The following FASN variants were observed in gnomAD, a reference collection of about 807,000 sequenced individuals.
FASN encodes 3-hydroxyacyl-[acyl-carrier-protein] dehydratase.
A neutral mutation model predicts 250.0 loss-of-function variants in FASN; 50 were observed. That is an observed-to-expected ratio of 0.20 (90% CI 0.16 to 0.25). The LOEUF (loss-of-function observed/expected upper bound fraction) is 0.25, where lower values mean the gene tolerates loss of function less well. Ranked by LOEUF, FASN falls within the 10% of genes least tolerant of loss-of-function variation. FASN has a pLI of 1.00. For synonymous variants in FASN, 1,909 were observed against 1,584.0 expected, an observed-to-expected ratio of 1.21 and a Z score of -4.87; for missense variants, 3,031 against 3,498.5, an observed-to-expected ratio of 0.87 and a Z score of 3.37.
At chr17:82,081,062 G>T in intron 38 of FASN, 102 bp downstream of exon 38, 1 of 1,446,876 alleles carries the variant, frequency 6.9e-7, no homozygotes, top group Non-Finnish European at 9.4e-7. Flanking sequence ...AATGGCACCC[G>T]TGACGAAGGG....
Position 82,084,263 on chromosome 17 carries a change from C to T in FASN, c.4890G>A (p.Pro1630=), listed in dbSNP as rs755513455. Residue 1630 remains proline, a synonymous_variant, in exon 28 of 43, where the codon CCG becomes CCA. Transcript: ENST00000306749. ...KGLATSVLLS[P]DFLWDVPSNW... Reference sequence around the variant, plus strand: ...TGGAAGGCACATCCCAGAGGAAGTCCGGTGACAGCAGGACAGAGGTGGCCA... The same window carrying T: ...TGGAAGGCACATCCCAGAGGAAGTCTGGTGACAGCAGGACAGAGGTGGCCA... 12 of 1,611,902 alleles carry T rather than the reference C, an allele frequency of 7.4e-6. No individual in the cohort carries two copies. Among genetic ancestry groups the T allele is most frequent in the East Asian group, 2.2e-5 (1 of 44,840 alleles).
intron 7 of FASN, 46 bp downstream of exon 7, chr17:82,092,651 G>A (rs770204001): frequency 2.0e-6 from 3 of 1,477,566 alleles, no homozygotes; most frequent in South Asian, 1.1e-5. Context: ...ATGGGCGTAG[G>A]TTAGGCTCAT....
chr17:82,091,822 T>A, intron 8 of FASN, 138 bp from the exon 9 acceptor site: 1 of 801,078 alleles, frequency 1.2e-6, no homozygotes, highest in Non-Finnish European at 1.9e-6. Flanking sequence ...GTCCCCAACC[T>A]AATTCTGCCA....
chr17:82,096,476 C>T (rs760222872), intron 1 of FASN, 24 bp from the exon 2 acceptor site: 10 of 1,607,766 alleles, frequency 6.2e-6, no homozygotes, highest in Non-Finnish European at 8.5e-6. Flanking sequence ...GGTGTGAGTG[C>T]CCCACACATC....
Position 82,093,259 on chromosome 17 carries a change from C to T in FASN, c.615G>A (p.Met205Ile). 6.3e-7 allele frequency: 1 copy of T among 1,594,004 alleles called. No individual in the cohort carries two copies. Among genetic ancestry groups the T allele is most frequent in the South Asian group, 1.1e-5 (1 of 88,042 alleles). The change falls in exon 5 of 43, where the codon ATG becomes ATA. Residue 205 changes from methionine to isoleucine, a missense_variant. By Grantham distance (10) the Met-to-Ile change is conservative. Coordinates refer to ENST00000306749, the MANE Select transcript of FASN (RefSeq NM_004104.5). ...CCTTGCAGGTGCCCTCGGGGCTGAGCATCCCCAGCCTCAAGAACTGCACGG... is the reference window on the plus strand; with the variant it reads ...CCTTGCAGGTGCCCTCGGGGCTGAGTATCCCCAGCCTCAAGAACTGCACGG... ...NTSVQFLRLGMLSPEGTCKAF... is the reference protein window; with the variant it reads ...NTSVQFLRLGILSPEGTCKAF...
rs1015189209 is a variant in FASN, at chr17:82,079,042, G to A, written c.*101C>T. 35 of 1,314,128 alleles carry A rather than the reference G, an allele frequency of 2.7e-5. No homozygotes were observed. The African/African-American group carries it at 4.6e-4, about 17-fold the overall frequency. The allele number at this position is 1,314,128 out of a possible 1,614,324, so 81.4% of individuals were successfully genotyped here. A position where few individuals can be genotyped will look rare whatever the true frequency, so the allele number is the denominator to read the frequency against. On this transcript the variant is annotated 3_prime_UTR_variant, in exon 43 of 43. Coordinates refer to ENST00000306749, the MANE Select transcript of FASN (RefSeq NM_004104.5). ...GGGCAGTGGCACTGGGCCGGACAGG[G>A]TCCCACCGGCAGGACCCTTCAATCC...
rs970223725 is a variant in FASN, at chr17:82,092,941, G to C, written c.734C>G (p.Thr245Ser). The C allele has an allele frequency of 1.7e-5, 28 of 1,609,746 alleles. No homozygotes were observed. The highest frequency in any genetic ancestry group is 2.4e-5 in the Non-Finnish European group (28 of 1,178,806). ...TGTATTGGTGCCGGCGTTCAGGATG[G>C]TGGCGTACACCCGCCGGGCCAGGGA... ...KKSLARRVYA[T>S]ILNAGTNTDG... The change falls in exon 6 of 43, where the codon ACC becomes AGC. Residue 245 changes from threonine (T) to serine (S), a missense_variant. Coordinates refer to ENST00000306749, the MANE Select transcript of FASN (RefSeq NM_004104.5).
In FASN at chr17:82,085,148, C is replaced by T. The variant is rs1339348898; in HGVS notation, c.4296G>A (p.Leu1432=). The T allele has an allele frequency of 6.2e-7, 1 of 1,612,374 alleles. No individual in the cohort carries two copies. Among genetic ancestry groups the T allele is most frequent in the Admixed American group, 1.7e-5 (1 of 59,988 alleles). Residue 1432 remains leucine (L), a synonymous_variant, in exon 25 of 43, where the codon CTG becomes CTA. Transcript: ENST00000306749. The part of the protein sequence containing the change: ...FRWVESLKGI[L]ADEDSSRPVW... ...CAGGCCGGGAAGAGTCTTCGTCAGC[C>T]AGGATGCCCTACAGCGGGTCGGGGA...
chr17:82,080,133 G>A lies in FASN; in HGVS notation c.7146+7C>T, dbSNP rs750901486. The stretch of plus-strand genomic sequence containing the variant: ...GTCCTGCGGCCTCAGGGGTGTCCAG[G>A]ACCCACCCTGTTGTGCTCCATGTCC... On this transcript the variant is annotated splice_region_variant and intron_variant, in intron 41 of 42. Coordinates refer to ENST00000306749, the MANE Select transcript of FASN (RefSeq NM_004104.5). The A allele has an allele frequency of 6.2e-7, 1 of 1,612,150 alleles. No individual in the cohort carries two copies. The highest frequency in any genetic ancestry group is 1.1e-5 in the South Asian group (1 of 91,054).
intron 33 of FASN, 69 bp from the exon 34 acceptor site, chr17:82,082,747 G>A (rs944057112): frequency 8.3e-5 from 131 of 1,585,172 alleles, no homozygotes; most frequent in Non-Finnish European, 1.1e-4. Flanking sequence ...CCGGGCTGGG[G>A]AAGTGGGGAG....
Position 82,093,774 on chromosome 17 carries a change from G to C in FASN, c.281-3C>G. The C allele has an allele frequency of 6.2e-7, 1 of 1,612,374 alleles. No individual in the cohort carries two copies. Among genetic ancestry groups the C allele is most frequent in the Non-Finnish European group, 8.5e-7 (1 of 1,179,830 alleles). ...TCGGAGTGAATCTGGGTTGATGCCT[G>C]CCACAAACAGTGGTCAAGGTGCCAC... On this transcript the variant is annotated splice_polypyrimidine_tract_variant and splice_region_variant and intron_variant, in intron 3 of 42. Transcript: ENST00000306749.
chr17:82,095,149 C>T (rs1446437805), intron 3 of FASN, among the ~76,000 whole-genome samples, 171 bp downstream of exon 3: 3 of 152,250 alleles, frequency 2.0e-5, no homozygotes, highest in Non-Finnish European at 4.4e-5. Context: ...GAAACTGCGG[C>T]CTACCCCGTG....
chr17:82,084,454 G>C lies in FASN; in HGVS notation c.4768+59C>G. The C allele has an allele frequency of 1.1e-5, 18 of 1,585,506 alleles. No homozygotes were observed. The South Asian group carries it at 1.9e-4, about 17-fold the overall frequency. ...CCGAGGGGCTCCCAGGCAGGTCCTA[G>C]CTGCTGGGGTCTCTGCTCCCCGGCC... On this transcript the variant is annotated intron_variant, in intron 27 of 42. Coordinates refer to ENST00000306749, the MANE Select transcript of FASN (RefSeq NM_004104.5).
Position 82,088,260 on chromosome 17 carries a change from C to T in FASN, c.2641G>A (p.Asp881Asn), listed in dbSNP as rs1463167897. Reference sequence around the variant, plus strand: ...GTGGCGGGGAAGAGGACGCGACCGTCGAGGGTGTGGTCCACCAGGTAGTGG... The same window carrying T: ...GTGGCGGGGAAGAGGACGCGACCGTTGAGGGTGTGGTCCACCAGGTAGTGG... ...PDHYLVDHTLDGRVLFPATGY... is the reference protein window; with the variant it reads ...PDHYLVDHTLNGRVLFPATGY... The change falls in exon 17 of 43, where the codon GAC becomes AAC. Residue 881 changes from aspartate to asparagine, a missense_variant. Asp to Asn is a conservative substitution (Grantham distance 23). Coordinates refer to ENST00000306749, the MANE Select transcript of FASN (RefSeq NM_004104.5). The T allele has an allele frequency of 2.5e-6, 4 of 1,606,418 alleles. No individual in the cohort carries two copies. The highest frequency in any genetic ancestry group is 1.7e-5 in the Admixed American group (1 of 59,994).
intron 11 of FASN, 69 bp from the exon 12 acceptor site, chr17:82,089,795 A>G (rs866994970): frequency 4.5e-6 from 6 of 1,326,582 alleles, no homozygotes; most frequent in Non-Finnish European, 4.2e-6. Flanking sequence ...ACCCACCCAG[A>G]CACTGCCTGC....
chr17:82,079,212 G>A lies in FASN; in HGVS notation c.7467C>T (p.Gly2489=), dbSNP rs1383269772. ...GDHRTLLEGS[G]LESIISIIHS... ...GGATGATGCTGATGATGGACTCCAG[G>A]CCGCTGCCCTCCAGCAGCGTGCGGT... Residue 2489 remains glycine, a synonymous_variant, in exon 43 of 43, where the codon GGC becomes GGT. Transcript: ENST00000306749. The A allele has an allele frequency of 6.2e-7, 1 of 1,612,976 alleles. No homozygotes were observed. The highest frequency in any genetic ancestry group is 8.5e-7 in the Non-Finnish European group (1 of 1,179,956).
Position 82,087,721 on chromosome 17 carries a change from G to A in FASN, c.3007C>T (p.Pro1003Ser), listed in dbSNP as rs1299976440. 29 of 1,612,234 alleles carry A rather than the reference G, an allele frequency of 1.8e-5. No individual in the cohort carries two copies. The highest frequency in any genetic ancestry group is 2.3e-5 in the Non-Finnish European group (27 of 1,180,000). ...GCCTCCAGGATGCCCTGGAAATGAG[G>A]GCCGTAGTCGTAGCCACGCAGACGC... Reference protein sequence around the residue: ...ELRLRGYDYGPHFQGILEASL... With the variant: ...ELRLRGYDYGSHFQGILEASL... Residue 1003 changes from proline to serine, a missense_variant, in exon 19 of 43, where the codon CCT (proline) becomes TCT (serine). By Grantham distance (74) the Pro-to-Ser change is moderately conservative. Transcript: ENST00000306749.
chr17:82,083,180 G>A (rs2034022821), intron 32 of FASN, 22 bp downstream of exon 32: 1 of 1,611,794 alleles, frequency 6.2e-7, no homozygotes, highest in South Asian at 1.1e-5. Flanking sequence ...GGTGCCCGAG[G>A]CGCCGGGACT....
intron 37 of FASN, 74 bp downstream of exon 37, chr17:82,081,527 C>A: frequency 6.2e-7 from 1 of 1,601,352 alleles, no homozygotes; most frequent in South Asian, 1.1e-5. Flanking sequence ...CGCACAGGGG[C>A]ACGACTGCTA....
Sources: gnomAD v4.1 joint callset for allele counts (sites outside exome capture counted in the v4.1 genomes callset) on GRCh38, gnomAD v4.1.1 for gene constraint, MANE v1.5 for transcripts, NCBI Gene and HGNC (gene_info 2026-07-23, HGNC 2026-07-21) for gene names.